H3C6: variants seen among roughly 807,000 people sequenced by gnomAD.
H3C6 encodes the protein H3 clustered histone 6.
H3C6 carries 17 observed loss-of-function variants against 8.0 expected under a neutral mutation model. That is an observed-to-expected ratio of 2.13 (90% CI 1.46 to 3.19). H3C6 has a LOEUF of 3.19. Among genes scored for constraint, H3C6 ranks in the 30% most tolerant of loss-of-function variants. The pLI is 0.00. For missense variants in H3C6, 298 were observed against 193.8 expected (o/e 1.54, Z -3.19); for synonymous variants, 169 against 78.0 (o/e 2.17, Z -6.15).
chr6:26,225,569 GTT>G lies in H3C6; in HGVS notation c.*7_*8del. The G allele has an allele frequency of 6.2e-7, 1 of 1,610,822 alleles. No individual in the cohort carries two copies. Among genetic ancestry groups the G allele is most frequent in the Non-Finnish European group, 8.5e-7 (1 of 1,178,338 alleles). On this transcript the variant is annotated 3_prime_UTR_variant, in exon 1 of 1. Transcript: ENST00000614911. ...CATTCGTGGGGAGAGGGCGTGAATTGTTTTGAGTACAAACCTTAAATCCAAAG... is the reference window on the plus strand; with the variant it reads ...CATTCGTGGGGAGAGGGCGTGAATTGTTGAGTACAAACCTTAAATCCAAAG...
At chr6:26,225,620 T>C, downstream of H3C6, 1 of 1,558,774 alleles carries the variant, frequency 6.4e-7, no homozygotes, top group Non-Finnish European at 8.7e-7. Flanking sequence ...CCAACCACTT[T>C]GTCCGTGAAA....
rs546277720 is a variant in H3C6, at chr6:26,225,591, C to T, written c.*26C>T. The T allele has an allele frequency of 6.3e-6, 10 of 1,596,864 alleles. No individual in the cohort carries two copies. The East Asian group carries it at 8.9e-5, about 14-fold the overall frequency. On this transcript the variant is annotated 3_prime_UTR_variant, in exon 1 of 1. Transcript: ENST00000614911. ...ATTGTTTTGAGTACAAACCTTAAAT[C>T]CAAAGGCTCTTCTCAGAGCCAACCA...
chr6:26,225,271 C>G lies in H3C6; in HGVS notation c.117C>G (p.Pro39=). 3.7e-6 allele frequency: 6 copies of G among 1,614,124 alleles called. No individual in the cohort carries two copies. Among genetic ancestry groups the G allele is most frequent in the Non-Finnish European group, 5.1e-6 (6 of 1,179,970 alleles). Reference sequence around the variant, plus strand: ...CGGCCACGGGCGGCGTGAAGAAGCCCCATCGCTACCGCCCTGGCACCGTGG... The same window carrying G: ...CGGCCACGGGCGGCGTGAAGAAGCCGCATCGCTACCGCCCTGGCACCGTGG... The part of the protein sequence containing the change: ...SAPATGGVKK[P]HRYRPGTVAL... The change falls in exon 1 of 1, where the codon CCC becomes CCG. Residue 39 remains proline, a synonymous_variant. Transcript: ENST00000614911.
chr6:26,226,938 G>T (rs1759586379), downstream of H3C6: 1 of 152,172 alleles, frequency 6.6e-6, no homozygotes, highest in South Asian at 2.1e-4. Context: ...TAACTTTTTT[G>T]AATGTGCTCT....
Position 26,225,211 on chromosome 6 carries a change from A to G in H3C6, c.57A>G (p.Lys19=), listed in dbSNP as rs748549156. 1.2e-5 allele frequency: 19 copies of G among 1,605,310 alleles called. No individual in the cohort carries two copies. The highest frequency in any genetic ancestry group is 1.1e-4 in the East Asian group (5 of 44,844). Residue 19 remains lysine, a synonymous_variant, in exon 1 of 1, where the codon AAA becomes AAG. Coordinates refer to ENST00000614911, the MANE Select transcript of H3C6 (RefSeq NM_003532.3). ...CCACAGGCGGTAAAGCACCGCGCAA[A>G]CAGCTGGCCACTAAGGCAGCTCGCA... ...RKSTGGKAPR[K]QLATKAARKS... is the part of the protein sequence containing the mutation.
In H3C6 at chr6:26,225,532, G is replaced by C. The variant is rs752545210; in HGVS notation, c.378G>C (p.Gln126His). 1.3e-5 allele frequency: 21 copies of C among 1,613,774 alleles called. No individual in the cohort carries two copies. Among genetic ancestry groups the C allele is most frequent in the Non-Finnish European group, 1.7e-5 (20 of 1,179,842 alleles). Residue 126 changes from glutamine (Q) to histidine (H), a missense_variant, in exon 1 of 1, where the codon CAG becomes CAC. Transcript: ENST00000614911. ...TGACCATCATGCCTAAAGACATCCA[G>C]CTTGCCCGCCGCATTCGTGGGGAGA... ...KRVTIMPKDI[Q>H]LARRIRGERA
At chr6:26,224,762 TC>T (rs1487664562), upstream of H3C6, 1 of 158,912 alleles carries the variant, frequency 6.3e-6, no homozygotes, top group Non-Finnish European at 1.4e-5. Flanking sequence ...GGGAAAAACT[TC>T]AGGAAAATGC....
Position 26,225,314 on chromosome 6 carries a change from C to A in H3C6, c.160C>A (p.Arg54Ser). The A allele has an allele frequency of 1.2e-6, 2 of 1,614,216 alleles. No homozygotes were observed. Among genetic ancestry groups the A allele is most frequent in the Non-Finnish European group, 1.7e-6 (2 of 1,180,026 alleles). ...PGTVALREIR[R>S]YQKSTELLIR... is the part of the protein sequence containing the mutation. ...CACCGTGGCTCTGCGCGAGATCCGT[C>A]GCTACCAGAAGTCTACCGAGCTTCT... is the stretch of plus-strand genomic sequence containing the variant. Residue 54 changes from arginine to serine, a missense_variant, in exon 1 of 1, where the codon CGC becomes AGC. By Grantham distance (110) the Arg-to-Ser change is moderately radical. Transcript: ENST00000614911.
downstream of H3C6, chr6:26,225,797 G>A: frequency 2.1e-6 from 1 of 482,334 alleles, no homozygotes; most frequent in Non-Finnish European, 3.6e-6. Context: ...GTTCTCCATT[G>A]GTTTAGCTGG....
upstream of H3C6, chr6:26,224,967 T>A (rs1765594389): frequency 1.7e-6 from 1 of 594,970 alleles, no homozygotes; most frequent in East Asian, 3.1e-5. Flanking sequence ...AAGAGCCAGT[T>A]CTCTATCCAA....
chr6:26,226,179 A>AT (rs1759554005), downstream of H3C6: 1 of 152,238 alleles, frequency 6.6e-6, no homozygotes, highest in Admixed American at 6.5e-5. Context: ...GAACACCTAG[A>AT]CCCGTGGCAC....
chr6:26,225,604 T>A lies in H3C6; in HGVS notation c.*39T>A, dbSNP rs1435774344. 1.3e-6 allele frequency: 2 copies of A among 1,581,278 alleles called. No individual in the cohort carries two copies. Among genetic ancestry groups the A allele is most frequent in the Non-Finnish European group, 1.7e-6 (2 of 1,163,720 alleles). The stretch of plus-strand genomic sequence containing the variant: ...CAAACCTTAAATCCAAAGGCTCTTC[T>A]CAGAGCCAACCACTTTGTCCGTGAA... On this transcript the variant is annotated 3_prime_UTR_variant, in exon 1 of 1. Coordinates refer to ENST00000614911, the MANE Select transcript of H3C6 (RefSeq NM_003532.3).
rs777137696 is a variant in H3C6 at position 26,225,583 on chromosome 6, C to G, written c.*18C>G. The G allele has an allele frequency of 6.2e-7, 1 of 1,602,544 alleles. No homozygotes were observed. The highest frequency in any genetic ancestry group is 1.1e-5 in the South Asian group (1 of 89,754). ...GGGCGTGAATTGTTTTGAGTACAAA[C>G]CTTAAATCCAAAGGCTCTTCTCAGA... On this transcript the variant is annotated 3_prime_UTR_variant, in exon 1 of 1. Coordinates refer to ENST00000614911, the MANE Select transcript of H3C6 (RefSeq NM_003532.3).
rs776406667 is a variant in H3C6, at chr6:26,225,159, C to G, written c.5C>G (p.Ala2Gly). Residue 2 changes from alanine to glycine, a missense_variant, in exon 1 of 1, where the codon GCG becomes GGG. Transcript: ENST00000614911. MARTKQTARKST... is the reference protein window; with the variant it reads MGRTKQTARKST... ...CATTTACTTTGCAGATGAACTATGG[C>G]GCGTACTAAGCAGACGGCTCGTAAA... is the stretch of plus-strand genomic sequence containing the variant. 3 of 1,553,612 alleles carry G rather than the reference C, an allele frequency of 1.9e-6. No individual in the cohort carries two copies. The highest frequency in any genetic ancestry group is 2.6e-6 in the Non-Finnish European group (3 of 1,152,220).
upstream of H3C6, chr6:26,224,337 A>C (rs1050825210): frequency 2.6e-5 from 4 of 152,194 alleles, no homozygotes; most frequent in Admixed American, 6.5e-5. Context: ...GTTCTGTTGG[A>C]TGTGTCTTAA....
At chr6:26,226,694 C>T (rs931623573), downstream of H3C6, 5 of 152,226 alleles carry the variant, frequency 3.3e-5, no homozygotes, top group African/African-American at 9.7e-5. Flanking sequence ...AGAAAATATT[C>T]TGCCTTTCCT....
upstream of H3C6, chr6:26,225,022 A>C: frequency 1.1e-6 from 1 of 948,184 alleles, no homozygotes. Context: ...ACCAATCGTG[A>C]ATCTCTACGG....
At chr6:26,225,128 C>A (rs763575860), upstream of H3C6, 3 of 1,527,240 alleles carry the variant, frequency 2.0e-6, no homozygotes, top group African/African-American at 2.8e-5. Context: ...ACCAATCTTC[C>A]TAACTCATTT....
chr6:26,224,971 T>G, upstream of H3C6: 1 of 611,640 alleles, frequency 1.6e-6, no homozygotes, highest in East Asian at 3.0e-5. Context: ...GCCAGTTCTC[T>G]ATCCAAATTT....
Sources: gnomAD v4.1 joint callset for allele counts on GRCh38, gnomAD v4.1.1 for gene constraint, MANE v1.5 for transcripts, NCBI Gene and HGNC (gene_info 2026-07-23, HGNC 2026-07-21) for gene names.